Variants in RNF138 observed in about 807,000 individuals in gnomAD.
The protein encoded by RNF138 is E3 ubiquitin-protein ligase RNF138.
A neutral mutation model predicts 31.0 loss-of-function variants in RNF138; 12 were observed. That is an observed-to-expected ratio of 0.39 (90% CI 0.25 to 0.63). The LOEUF is 0.63. Among genes scored for constraint, RNF138 ranks in the 20% least tolerant of loss-of-function variants. RNF138 has a pLI of 0.52. For missense variants in RNF138, 192 were observed against 300.1 expected (o/e 0.64, Z 2.66); for synonymous variants, 105 against 99.5 (o/e 1.06, Z -0.33).
chr18:32,094,475 T>C (rs550127825), intron 2 of RNF138, among the ~76,000 whole-genome samples: 2 of 152,338 alleles, frequency 1.3e-5, no homozygotes, highest in East Asian at 3.9e-4. Flanking sequence ...GTGCAACAAA[T>C]GCAGATTCTT....
chr18:32,124,659 T>C (rs2040357370), intron 5 of RNF138, 75 bp from the exon 6 acceptor site: 4 of 755,388 alleles, frequency 5.3e-6, no homozygotes, highest in Admixed American at 2.0e-5. Context: ...TGTATAGTGA[T>C]TCCTCAAAAA....
At chr18:32,097,977 T>TA (rs763759065) in intron 2 of RNF138, among the ~76,000 whole-genome samples, 3 of 49,704 alleles carry the variant, frequency 6.0e-5, no homozygotes, top group Non-Finnish European at 1.2e-4. Context: ...TGTGTGTGTG[T>TA]TATTTTTGTT....
intron 7 of RNF138, among the ~76,000 whole-genome samples, chr18:32,128,410 T>C (rs2040417895): frequency 2.6e-5 from 4 of 152,132 alleles, no homozygotes. Flanking sequence ...TGGTGGTACG[T>C]ATCTGTAATC....
chr18:32,112,875 C>T (rs970008017), intron 3 of RNF138, among the ~76,000 whole-genome samples: 12 of 152,136 alleles, frequency 7.9e-5, no homozygotes, highest in African/African-American at 2.2e-4. Flanking sequence ...TTATCACCGA[C>T]ATTTTTTCTA....
At chr18:32,107,234 C>T (rs1326561006) in intron 2 of RNF138, among the ~76,000 whole-genome samples, 1 of 148,184 alleles carries the variant, frequency 6.7e-6, no homozygotes, top group Non-Finnish European at 1.5e-5. Context: ...AGTTCTCCTG[C>T]CTCAGCCTCC....
chr18:32,115,503 G>A (rs1037934578), intron 4 of RNF138, among the ~76,000 whole-genome samples: 1 of 152,164 alleles, frequency 6.6e-6, no homozygotes, highest in Admixed American at 6.6e-5. Flanking sequence ...CCAGCATTTT[G>A]GGAGGCCAAG....
intron 2 of RNF138, among the ~76,000 whole-genome samples, chr18:32,095,720 A>G (rs2039792426): frequency 1.3e-5 from 2 of 152,196 alleles, no homozygotes; most frequent in African/African-American, 2.4e-5. Flanking sequence ...GTTCATTATC[A>G]TTAGAATAAC....
At chr18:32,092,412 C>G (rs1247652322) in intron 1 of RNF138, among the ~76,000 whole-genome samples, 177 bp downstream of exon 1, 7 of 151,654 alleles carry the variant, frequency 4.6e-5, no homozygotes, top group Admixed American at 1.3e-4. Context: ...GGCGCGAGCC[C>G]GCGCCTGGAG....
chr18:32,092,651 G>C, intron 1 of RNF138, 49 bp from the exon 2 acceptor site: 2 of 653,584 alleles, frequency 3.1e-6, no homozygotes, highest in Non-Finnish European at 5.6e-6. Flanking sequence ...CCTTCCTGGC[G>C]CGCGCTGTAT....
chr18:32,125,029 T>TA (rs1168340961), intron 6 of RNF138, 184 bp downstream of exon 6: 16 of 528,212 alleles, frequency 3.0e-5, no homozygotes, highest in Non-Finnish European at 5.1e-5. Context: ...AAAATTGCAG[T>TA]AACTCTCATT....
intron 5 of RNF138, 28 bp downstream of exon 5, chr18:32,123,602 T>C (rs746433990): frequency 2.1e-6 from 3 of 1,432,078 alleles, no homozygotes; most frequent in South Asian, 2.5e-5. Flanking sequence ...CCTGCCACTT[T>C]AGCAAGTAAT....
intron 2 of RNF138, among the ~76,000 whole-genome samples, chr18:32,099,089 T>C (rs574700488): frequency 2.6e-5 from 4 of 152,230 alleles, no homozygotes; most frequent in South Asian, 4.1e-4. Context: ...GTTGGGAGAA[T>C]GCGTAATGGA....
At chr18:32,113,662 C>T (rs2040169453) in intron 3 of RNF138, 83 bp from the exon 4 acceptor site, 2 of 592,726 alleles carry the variant, frequency 3.4e-6, no homozygotes, top group South Asian at 5.6e-5. Flanking sequence ...TATTTAGTTA[C>T]TTTTATTTTT....
At chr18:32,112,011 T>C in intron 3 of RNF138, 92 bp downstream of exon 3, 1 of 1,204,922 alleles carries the variant, frequency 8.3e-7, no homozygotes, top group South Asian at 1.7e-5. Flanking sequence ...TTTTTTTTTT[T>C]TTGAAAAGAT....
intron 2 of RNF138, among the ~76,000 whole-genome samples, chr18:32,096,251 T>C (rs1006736377): frequency 6.6e-6 from 1 of 152,222 alleles, no homozygotes; most frequent in African/African-American, 2.4e-5. Flanking sequence ...TTTACCTTCA[T>C]AGCAGGGTTT....
In RNF138 at chr18:32,130,257, C is replaced by G. The variant is rs1043612541; in HGVS notation, c.*1070C>G. 7 of 151,954 alleles carry G rather than the reference C, an allele frequency of 4.6e-5. No homozygotes were observed. The highest frequency in any genetic ancestry group is 1.9e-4 in the East Asian group (1 of 5,200). The allele number at this position is 151,954 out of a possible 1,614,324, so 9.4% of individuals were successfully genotyped here. On this transcript the variant is annotated 3_prime_UTR_variant, in exon 8 of 8. Coordinates refer to ENST00000261593, the MANE Select transcript of RNF138 (RefSeq NM_016271.5). The stretch of plus-strand genomic sequence containing the variant: ...TTTTTAAAAAGTGATAGTCACAGTG[C>G]TAAGTTATCTAGTTGGCTACTATTA...
chr18:32,126,604 A>G, intron 6 of RNF138, 89 bp from the exon 7 acceptor site: 1 of 760,490 alleles, frequency 1.3e-6, no homozygotes, highest in Non-Finnish European at 2.1e-6. Context: ...ATTTTTGGTA[A>G]CATATCCCTG....
chr18:32,115,667 C>G (rs1357833072), intron 4 of RNF138, among the ~76,000 whole-genome samples: 1 of 152,138 alleles, frequency 6.6e-6, no homozygotes, highest in Non-Finnish European at 1.5e-5. Flanking sequence ...ATCACTTGAC[C>G]CTAGGAAACG....
In RNF138 at chr18:32,123,555, A is replaced by G. The variant is rs2040338596; in HGVS notation, c.430A>G (p.Thr144Ala). 6.3e-7 allele frequency: 1 copy of G among 1,593,912 alleles called. No individual in the cohort carries two copies. Among genetic ancestry groups the G allele is most frequent in the Non-Finnish European group, 8.5e-7 (1 of 1,171,580 alleles). ...SETSTSDNTE[T>A]YQENTSSSGH... ...AACATCCACATCTGATAACACAGAA[A>G]CTTACCAAGAGAATACAAGGTAAGC... The change falls in exon 5 of 8, where the codon ACT (threonine) becomes GCT (alanine). Residue 144 changes from threonine (T) to alanine (A), a missense_variant. Around this residue, in one of 2 missense-constraint regions of RNF138, gnomAD observed 140 missense variants for 251.7 expected, o/e 0.56. Transcript: ENST00000261593.
Sources: gnomAD v4.1 joint callset for allele counts (sites outside exome capture counted in the v4.1 genomes callset) on GRCh38, gnomAD v4.1.1 for gene constraint, gnomAD v4.1.1 regional missense constraint, MANE v1.5 for transcripts, NCBI Gene and HGNC (gene_info 2026-07-23, HGNC 2026-07-21) for gene names.